Variants in PRKAR1B observed in about 807,000 individuals in gnomAD.
PRKAR1B encodes the protein protein kinase cAMP-dependent type I regulatory subunit beta.
In PRKAR1B, 22 loss-of-function variants were observed where a neutral mutation model predicts 46.5. That is an observed-to-expected ratio of 0.47 (90% CI 0.34 to 0.68). PRKAR1B has a LOEUF of 0.68. Among genes scored for constraint, PRKAR1B ranks in the 30% least tolerant of loss-of-function variants. The pLI is 0.01. For missense variants in PRKAR1B, 445 were observed against 535.6 expected, an observed-to-expected ratio of 0.83 and a Z score of 1.67; for synonymous variants, 259 against 217.7, an observed-to-expected ratio of 1.19 and a Z score of -1.67.
intron 4 of PRKAR1B, among the ~76,000 whole-genome samples, chr7:670,836 GGCTCCGGACCGAGGACAGCCTCCGA>G (rs2128501453): frequency 6.6e-6 from 1 of 151,256 alleles, no homozygotes; most frequent in South Asian, 2.1e-4. Context: ...CCGGCAGCGG[GGCTCCGGACCGAGGACAGCCTCCGA>G]GCTCCCCCAT....
intron 5 of PRKAR1B, 33 bp downstream of exon 5, chr7:607,358 G>C (rs1356981274): frequency 1.3e-6 from 2 of 1,595,708 alleles, no homozygotes; most frequent in Non-Finnish European, 1.7e-6. Flanking sequence ...TTTCCCCTCT[G>C]GACTTTGGCT....
chr7:711,291 C>T (rs1178425212), intron 2 of PRKAR1B, 38 bp downstream of exon 2: 4 of 1,609,494 alleles, frequency 2.5e-6, no homozygotes, highest in African/African-American at 1.3e-5. Flanking sequence ...CCCCAGGACA[C>T]GTGCGAAGGG....
At chr7:647,479 C>A (rs1784675421) in intron 4 of PRKAR1B, among the ~76,000 whole-genome samples, 1 of 152,040 alleles carries the variant, frequency 6.6e-6, no homozygotes. Flanking sequence ...CCATGAATAA[C>A]CACCCATTTG....
chr7:711,405 C>G lies in PRKAR1B; in HGVS notation c.101G>C (p.Cys34Ser). The G allele has an allele frequency of 6.2e-7, 1 of 1,614,228 alleles. No homozygotes were observed. The highest frequency in any genetic ancestry group is 8.5e-7 in the Non-Finnish European group (1 of 1,180,030). ...CTTGGAGATGCAGAGGTGGACGATACAGTCTTTGAGGACCTGCTGGATCCC... is the reference window on the plus strand; with the variant it reads ...CTTGGAGATGCAGAGGTGGACGATAGAGTCTTTGAGGACCTGCTGGATCCC... ...LHGIQQVLKDCIVHLCISKPE... is the reference protein window; with the variant it reads ...LHGIQQVLKDSIVHLCISKPE... The change falls in exon 2 of 11, where the codon TGT (cysteine) becomes TCT (serine). Residue 34 changes from cysteine (C) to serine (S), a missense_variant. Physicochemically the swap from Cys to Ser is moderately radical, Grantham distance 112. Around this residue, in one of 5 missense-constraint regions of PRKAR1B, gnomAD observed 155 missense variants for 127.5 expected, o/e 1.22. Coordinates refer to ENST00000537384, the MANE Select transcript of PRKAR1B (RefSeq NM_001164760.2).
At chr7:665,408 T>C (rs1383575911) in intron 4 of PRKAR1B, among the ~76,000 whole-genome samples, 2 of 152,166 alleles carry the variant, frequency 1.3e-5, no homozygotes, top group Non-Finnish European at 2.9e-5. Flanking sequence ...GGGGGAGCTC[T>C]AGAAAGACAA....
chr7:599,410 G>A (rs1342494067), intron 6 of PRKAR1B, among the ~76,000 whole-genome samples: 6 of 151,850 alleles, frequency 4.0e-5, no homozygotes, highest in East Asian at 3.9e-4. Flanking sequence ...CGATTCTCCC[G>A]CCTCAGCCTC....
chr7:636,437 C>CGCGCCCTCACGTCCTCCACCGGACT (rs1562579446), intron 4 of PRKAR1B, among the ~76,000 whole-genome samples: 5 of 79,150 alleles, frequency 6.3e-5, no homozygotes, highest in Non-Finnish European at 1.6e-4. Flanking sequence ...CTCCACCGGC[C>CGCGCCCTCACGTCCTCCACCGGACT]GCGCCCTCAC....
chr7:559,887 G>A (rs773038242), intron 9 of PRKAR1B, among the ~76,000 whole-genome samples: 11 of 152,190 alleles, frequency 7.2e-5, no homozygotes, highest in Admixed American at 2.0e-4. Flanking sequence ...GTCAGCCTGC[G>A]CAACATGGCA....
chr7:622,733 G>A (rs1397098727), intron 4 of PRKAR1B, among the ~76,000 whole-genome samples: 13 of 152,142 alleles, frequency 8.5e-5, no homozygotes, highest in Admixed American at 2.0e-4. Context: ...GGAGCAGACG[G>A]GAATGATGAG....
intron 7 of PRKAR1B, among the ~76,000 whole-genome samples, chr7:591,623 G>A (rs1780983965): frequency 6.6e-6 from 1 of 152,262 alleles, no homozygotes; most frequent in Non-Finnish European, 1.5e-5. Context: ...GCCAAGGCGG[G>A]AGGGTCGCTT....
chr7:574,419 G>T (rs529195207), intron 9 of PRKAR1B, among the ~76,000 whole-genome samples: 2 of 152,186 alleles, frequency 1.3e-5, no homozygotes, highest in Admixed American at 6.5e-5. Flanking sequence ...CCGGATGTCA[G>T]ATTTTTAAAG....
chr7:634,753 CCTCAGCCTCCCGAGTAGCT>C (rs1398352176), intron 4 of PRKAR1B, among the ~76,000 whole-genome samples: 1 of 151,946 alleles, frequency 6.6e-6, no homozygotes, highest in Non-Finnish European at 1.5e-5. Context: ...GATTCCCCTG[CCTCAGCCTCCCGAGTAGCT>C]GGGATTACAG....
chr7:723,210 G>A (rs377018925), intron 1 of PRKAR1B, among the ~76,000 whole-genome samples: 1 of 152,218 alleles, frequency 6.6e-6, no homozygotes. Context: ...CACAGCACAG[G>A]TTAATGCACC....
At position 706,395 on chromosome 7, in the gene PRKAR1B, A is replaced by G. The variant is rs192380223; in HGVS notation, c.177+4934T>C. Among the ~76,000 whole-genome samples, 89 of 148,104 alleles carry G rather than the reference A, an allele frequency of 6.0e-4. 3 individuals carry two copies. The East Asian group carries it at 0.015, about 26-fold the overall frequency. ...ATCACATCTTGCTGGGGAAACTCCC[A>G]CGCTGTGTTTTGCCATCAAATAAGG... On this transcript the variant is annotated intron_variant, in intron 2 of 10. Coordinates refer to ENST00000537384, the MANE Select transcript of PRKAR1B (RefSeq NM_001164760.2).
At chr7:618,264 A>T (rs1455144345) in intron 4 of PRKAR1B, among the ~76,000 whole-genome samples, 1 of 152,208 alleles carries the variant, frequency 6.6e-6, no homozygotes, top group Non-Finnish European at 1.5e-5. Flanking sequence ...TGCATTTGGC[A>T]ACACCTGTGT....
At chr7:616,383 G>T (rs1782824968) in intron 4 of PRKAR1B, among the ~76,000 whole-genome samples, 1 of 152,220 alleles carries the variant, frequency 6.6e-6, no homozygotes, top group African/African-American at 2.4e-5. Context: ...GCCAAACGCA[G>T]CCACCACCTG....
At chr7:662,966 G>A (rs1785697748) in intron 4 of PRKAR1B, among the ~76,000 whole-genome samples, 1 of 152,196 alleles carries the variant, frequency 6.6e-6, no homozygotes. Flanking sequence ...CAAACAGACT[G>A]AAACCCAGAA....
In PRKAR1B at chr7:560,870, G is replaced by A. The variant is rs1052859972; in HGVS notation, c.892-9400C>T. On this transcript the variant is annotated intron_variant, in intron 9 of 10. Transcript: ENST00000537384. The surrounding 1 kb of genome is among the most constrained non-coding windows in gnomAD (Gnocchi z 4.2). ...CACCAAATGCCTTCTCAGGGCCACG[G>A]GGGCCACGACACGTTCCTCCCTCCA... 1.3e-5 allele frequency among the ~76,000 whole-genome samples: 2 copies of A among 152,168 alleles called. No homozygotes were observed. The highest frequency in any genetic ancestry group is 2.9e-5 in the Non-Finnish European group (2 of 68,034).
chr7:654,900 G>A (rs146632939), intron 4 of PRKAR1B, among the ~76,000 whole-genome samples: 185 of 152,156 alleles, frequency 1.2e-3, no homozygotes, highest in African/African-American at 4.1e-3. Flanking sequence ...TATCATTGCC[G>A]TTGCCTCCAA....
Sources: gnomAD v4.1 joint callset for allele counts (sites outside exome capture counted in the v4.1 genomes callset) on GRCh38, gnomAD v4.1.1 for gene constraint, gnomAD v4.1.1 regional missense constraint, Gnocchi (gnomAD v3.1) non-coding constraint, MANE v1.5 for transcripts, NCBI Gene and HGNC (gene_info 2026-07-23, HGNC 2026-07-21) for gene names.